The following DHX38 variants were observed in gnomAD, a reference collection of about 807,000 sequenced individuals.
DHX38 encodes pre-mRNA-splicing factor ATP-dependent RNA helicase PRP16.
A neutral mutation model predicts 153.1 loss-of-function variants in DHX38; 100 were observed. The ratio of observed to expected loss-of-function variants is 0.65; its 90% CI spans 0.56 to 0.77. The LOEUF (loss-of-function observed/expected upper bound fraction) is 0.77. Among genes scored for constraint, DHX38 ranks in the 30% least tolerant of loss-of-function variants. DHX38 has a pLI of 0.00. For synonymous variants in DHX38, 650 were observed against 631.7 expected (o/e 1.03, Z -0.43); for missense variants, 1,440 against 1,654.0 (o/e 0.87, Z 2.24).
At chr16:72,095,219 TG>T (rs1406878016) in intron 1 of DHX38, among the ~76,000 whole-genome samples, 1 of 152,236 alleles carries the variant, frequency 6.6e-6, no homozygotes, top group African/African-American at 2.4e-5. Context: ...AAGAGGAGCT[TG>T]TTCCAACTTG....
At position 72,099,819 on chromosome 16, in the gene DHX38, A is replaced by C. The variant is rs766325359; in HGVS notation, c.1048A>C (p.Arg350=). 4.4e-5 allele frequency: 71 copies of C among 1,613,948 alleles called. No homozygotes were observed. The highest frequency in any genetic ancestry group is 4.7e-5 in the Non-Finnish European group (56 of 1,179,914). The change falls in exon 8 of 27, where the codon AGG becomes CGG. Residue 350 remains arginine (R), a synonymous_variant. Transcript: ENST00000268482. ...CTACTCCTCCGAGGACTACGTGAGG[A>C]GGCGGGAGCAGCACCTGCATAAACA... The part of the protein sequence containing the change: ...LAYSSEDYVR[R]REQHLHKQKQ...
Position 72,112,528 on chromosome 16 carries a change from A to T in DHX38, c.*31A>T. 1 of 1,609,374 alleles carries T rather than the reference A, an allele frequency of 6.2e-7. No individual in the cohort carries two copies. The highest frequency in any genetic ancestry group is 1.3e-5 in the African/African-American group (1 of 75,040). ...GGCTGTCCCCAGAGAGGATGGCAGC[A>T]GGTATTGGGTCCTCAGCCTTCTGGC... On this transcript the variant is annotated 3_prime_UTR_variant, in exon 27 of 27. Coordinates refer to ENST00000268482, the MANE Select transcript of DHX38 (RefSeq NM_014003.4).
intron 19 of DHX38, among the ~76,000 whole-genome samples, chr16:72,106,511 C>A (rs534033013): frequency 1.3e-5 from 2 of 151,008 alleles, no homozygotes; most frequent in East Asian, 3.9e-4. Flanking sequence ...TGTGGTGGTG[C>A]AATCACAGCT....
chr16:72,098,699 C>T lies in DHX38; in HGVS notation c.671C>T (p.Ser224Phe). The change falls in exon 5 of 27, where the codon TCC becomes TTC. Residue 224 changes from serine to phenylalanine, a missense_variant. Transcript: ENST00000268482. ...TWEEEDSGYG[S>F]SRRSQWESPS... is the part of the protein sequence containing the mutation. ...GAGGAAGAGGACAGTGGCTATGGCTCCTCAAGGCGCTCACAGTGGGAATCG... is the reference window on the plus strand; with the variant it reads ...GAGGAAGAGGACAGTGGCTATGGCTTCTCAAGGCGCTCACAGTGGGAATCG... 6.2e-7 allele frequency: 1 copy of T among 1,613,968 alleles called. No individual in the cohort carries two copies. Among genetic ancestry groups the T allele is most frequent in the Non-Finnish European group, 8.5e-7 (1 of 1,179,994 alleles).
chr16:72,099,427 G>A (rs763973583), intron 7 of DHX38, 147 bp downstream of exon 7: 36 of 771,534 alleles, frequency 4.7e-5, no homozygotes, highest in Non-Finnish European at 6.6e-5. Context: ...AGGCATAGAC[G>A]GCACGGTGAA....
rs766666875 is a variant in DHX38 at position 72,098,952 on chromosome 16, G to A, written c.790G>A (p.Asp264Asn). ...GTCTGTGAGGGGCAAGTACTCGGAT[G>A]ACACGCCTCTGCCAACTCCCTCCTA... The part of the protein sequence containing the change: ...DRSVRGKYSD[D>N]TPLPTPSYKY... Residue 264 changes from aspartate (D) to asparagine (N), a missense_variant, in exon 6 of 27, where the codon GAC (aspartate) becomes AAC (asparagine). Physicochemically the swap from Asp to Asn is conservative, Grantham distance 23. Around this residue, in one of 6 missense-constraint regions of DHX38, gnomAD observed 483 missense variants for 465.1 expected, o/e 1.04. Transcript: ENST00000268482. The A allele has an allele frequency of 6.2e-7, 1 of 1,614,154 alleles. No homozygotes were observed. Among genetic ancestry groups the A allele is most frequent in the African/African-American group, 1.3e-5 (1 of 75,060 alleles).
chr16:72,097,683 G>A lies in DHX38; in HGVS notation c.518G>A (p.Arg173Gln), dbSNP rs762752248. The change falls in exon 4 of 27, where the codon CGG becomes CAG. Residue 173 changes from arginine (R) to glutamine (Q), a missense_variant. Physicochemically the swap from Arg to Gln is conservative, Grantham distance 43. Transcript: ENST00000268482. ...DYDRKRDRDE[R>Q]DRSRHSSRSE... Reference sequence around the variant, plus strand: ...TTCGTGTGACTCTTCATAGATGAGCGGGATAGAAGTAGGCACAGCAGCAGA... The same window carrying A: ...TTCGTGTGACTCTTCATAGATGAGCAGGATAGAAGTAGGCACAGCAGCAGA... 8 of 1,613,886 alleles carry A rather than the reference G, an allele frequency of 5.0e-6. No homozygotes were observed. The highest frequency in any genetic ancestry group is 2.2e-5 in the East Asian group (1 of 44,874).
At position 72,107,665 on chromosome 16, in the gene DHX38, CG is replaced by C; in HGVS notation, c.2832del (p.Leu945Ter). 6.2e-7 allele frequency: 1 copy of C among 1,614,098 alleles called. No individual in the cohort carries two copies. Among genetic ancestry groups the C allele is most frequent in the Non-Finnish European group, 8.5e-7 (1 of 1,180,008 alleles). ...CCTAGGTGGTCTGACCTCTACCGGG[CG>C]GCTGATGGTGGAGTTCCCGCTGGAC... ...DNTGGLTSTG[R>X]LMVEFPLDPA... On this transcript the variant is annotated frameshift_variant, in exon 21 of 27. Transcript: ENST00000268482. LOFTEE classifies it high-confidence loss of function. The surrounding 1 kb of genome is among the most constrained non-coding windows in gnomAD (Gnocchi z 5.3).
At chr16:72,106,915 A>G (rs1301637152) in intron 19 of DHX38, among the ~76,000 whole-genome samples, 1 of 152,192 alleles carries the variant, frequency 6.6e-6, no homozygotes, top group East Asian at 1.9e-4. Flanking sequence ...TCATGCCTGT[A>G]ATCCTGGCAC....
At chr16:72,108,756 G>A (rs2042218081) in intron 23 of DHX38, 44 bp from the exon 24 acceptor site, 2 of 1,604,662 alleles carry the variant, frequency 1.2e-6, no homozygotes, top group Non-Finnish European at 1.7e-6. Flanking sequence ...GCCCAAATGG[G>A]TGTTGTTTTC....
In DHX38 at chr16:72,103,609, A is replaced by G. The variant is rs2042129892; in HGVS notation, c.1645A>G (p.Ser549Gly). 1.2e-6 allele frequency: 2 copies of G among 1,607,996 alleles called. No homozygotes were observed. Among genetic ancestry groups the G allele is most frequent in the Non-Finnish European group, 1.7e-6 (2 of 1,174,866 alleles). Residue 549 changes from serine (S) to glycine (G), a missense_variant, in exon 13 of 27, where the codon AGC (serine) becomes GGC (glycine). Ser to Gly is a moderately conservative substitution (Grantham distance 56, BLOSUM62 0). This residue lies in a region of DHX38 where 241 missense variants were observed against 229.5 expected (regional missense o/e 1.05). Coordinates refer to ENST00000268482, the MANE Select transcript of DHX38 (RefSeq NM_014003.4). Reference protein sequence around the residue: ...QELLTIIRDNSIVIVVGETGS... With the variant: ...QELLTIIRDNGIVIVVGETGS... ...GCCTGCTTGTCCTTGTAGAGACAACAGCATCGTGATCGTGGTTGGGGAGAC... is the reference window on the plus strand; with the variant it reads ...GCCTGCTTGTCCTTGTAGAGACAACGGCATCGTGATCGTGGTTGGGGAGAC...
In DHX38 at chr16:72,112,795, A is replaced by G. The variant is rs1437287835; in HGVS notation, c.*298A>G. On this transcript the variant is annotated 3_prime_UTR_variant, in exon 27 of 27. Coordinates refer to ENST00000268482, the MANE Select transcript of DHX38 (RefSeq NM_014003.4). Reference sequence around the variant, plus strand: ...GCCCAGGACACTTGGTGTATGCGTGACTTGGCTGTGGCTGTCTTTTTTAAT... The same window carrying G: ...GCCCAGGACACTTGGTGTATGCGTGGCTTGGCTGTGGCTGTCTTTTTTAAT... 17 of 702,644 alleles carry G rather than the reference A, an allele frequency of 2.4e-5. No homozygotes were observed. Among genetic ancestry groups the G allele is most frequent in the Non-Finnish European group, 4.4e-5 (17 of 384,866 alleles). The allele number at this position is 702,644 out of a possible 1,614,324, so 43.5% of individuals were successfully genotyped here. A position where few individuals can be genotyped will look rare whatever the true frequency, so the allele number is the denominator to read the frequency against.
intron 3 of DHX38, chr16:72,097,257 G>A: frequency 2.3e-6 from 1 of 439,824 alleles, no homozygotes; most frequent in Non-Finnish European, 4.0e-6. Context: ...TGATAAAGGA[G>A]ATAATGGGTA....
chr16:72,098,456 A>G (rs2042051126), intron 4 of DHX38, among the ~76,000 whole-genome samples, 189 bp from the exon 5 acceptor site: 2 of 152,180 alleles, frequency 1.3e-5, no homozygotes, highest in African/African-American at 4.8e-5. Context: ...AAGGAAAAAT[A>G]CATCCTGGAC....
At chr16:72,106,365 C>T (rs1413443993) in intron 19 of DHX38, among the ~76,000 whole-genome samples, 1 of 152,222 alleles carries the variant, frequency 6.6e-6, no homozygotes, top group African/African-American at 2.4e-5. Context: ...TAATTACAGC[C>T]TGCCTCCCTT....
intron 11 of DHX38, among the ~76,000 whole-genome samples, chr16:72,102,589 G>A (rs1037216677): frequency 3.9e-5 from 6 of 152,204 alleles, no homozygotes; most frequent in African/African-American, 9.7e-5. Context: ...AAACAAAACC[G>A]TACAGACTAT....
rs1399019104 is a variant in DHX38 at position 72,096,931 on chromosome 16, T to C, written c.433T>C (p.Tyr145His). The C allele has an allele frequency of 6.2e-7, 1 of 1,614,058 alleles. No individual in the cohort carries two copies. The highest frequency in any genetic ancestry group is 1.1e-5 in the South Asian group (1 of 91,078). Reference protein sequence around the residue: ...RERERREHGVYASSKEEKDWK... With the variant: ...RERERREHGVHASSKEEKDWK... ...GCGGGAGCGGCGGGAACATGGTGTC[T>C]ATGCCTCGTCCAAAGAAGAAAAGGA... Residue 145 changes from tyrosine (Y) to histidine (H), a missense_variant, in exon 3 of 27, where the codon TAT becomes CAT. Tyr to His is a moderately conservative substitution (Grantham distance 83). Around this residue, in one of 6 missense-constraint regions of DHX38, gnomAD observed 483 missense variants for 465.1 expected, o/e 1.04. Coordinates refer to ENST00000268482, the MANE Select transcript of DHX38 (RefSeq NM_014003.4).
chr16:72,104,693 T>G lies in DHX38; in HGVS notation c.2151+67T>G. On this transcript the variant is annotated intron_variant, in intron 15 of 26. Coordinates refer to ENST00000268482, the MANE Select transcript of DHX38 (RefSeq NM_014003.4). The surrounding 1 kb of genome is among the most constrained non-coding windows in gnomAD (Gnocchi z 4.5). ...CGCACTTCTCTGATGCGAAGCCGGC[T>G]GGAGGGTGGAGGGTGGGTAGGGGAC... 6.1e-5 allele frequency: 95 copies of G among 1,568,000 alleles called. No homozygotes were observed. The highest frequency in any genetic ancestry group is 7.6e-5 in the Non-Finnish European group (87 of 1,145,268).
At chr16:72,102,873 G>A (rs940063067) in intron 11 of DHX38, among the ~76,000 whole-genome samples, 4 of 152,244 alleles carry the variant, frequency 2.6e-5, no homozygotes, top group Non-Finnish European at 4.4e-5. Context: ...GTGGTGTCGA[G>A]TGTGTTGTGG....
Sources: allele counts gnomAD v4.1 joint callset (sites outside exome capture counted in the v4.1 genomes callset), GRCh38; gene constraint gnomAD v4.1.1; regional missense constraint gnomAD v4.1.1; non-coding constraint Gnocchi (gnomAD v3.1); transcripts MANE v1.5; gene names NCBI Gene and HGNC (gene_info 2026-07-23, HGNC 2026-07-21).